RIMS2: variants seen among roughly 807,000 people sequenced by gnomAD.
RIMS2 encodes regulating synaptic membrane exocytosis 2.
A neutral mutation model predicts 174.4 loss-of-function variants in RIMS2; 59 were observed. The ratio of observed to expected loss-of-function variants is 0.34; its 90% CI spans 0.27 to 0.42. RIMS2 has a LOEUF of 0.42. RIMS2 is among the 10% of genes least tolerant of loss of function. The probability of loss-of-function intolerance (pLI) is 1.00; values close to 1 mark genes in which losing one functional copy is unlikely to be tolerated. For missense variants in RIMS2, 1,620 were observed against 1,666.3 expected, an observed-to-expected ratio of 0.97 and a Z score of 0.48; for synonymous variants, 606 against 572.5, an observed-to-expected ratio of 1.06 and a Z score of -0.84.
chr8:103,569,232 A>C (rs532171100), intron 1 of RIMS2, among the ~76,000 whole-genome samples: 1 of 152,206 alleles, frequency 6.6e-6, no homozygotes, highest in South Asian at 2.1e-4. Flanking sequence ...TAGGAGTCTA[A>C]CTTCATTCTC....
chr8:103,539,466 A>G (rs995821898), intron 1 of RIMS2, among the ~76,000 whole-genome samples: 10 of 152,250 alleles, frequency 6.6e-5, no homozygotes, highest in African/African-American at 2.4e-4. Context: ...AGCAGAAAAC[A>G]TGGAGAATAT....
intron 1 of RIMS2, chr8:103,568,805 T>G: frequency 8.8e-7 from 1 of 1,140,410 alleles, no homozygotes; most frequent in South Asian, 1.2e-5. Context: ...GTGCAATCAG[T>G]GCTATAAGAA....
chr8:103,983,266 A>G (rs1024442222), intron 16 of RIMS2, among the ~76,000 whole-genome samples: 1 of 152,198 alleles, frequency 6.6e-6, no homozygotes, highest in African/African-American at 2.4e-5. Flanking sequence ...AAAAATAGAA[A>G]GATGTTCCAT....
chr8:104,189,451 T>C (rs993638359), intron 19 of RIMS2, among the ~76,000 whole-genome samples: 1 of 151,810 alleles, frequency 6.6e-6, no homozygotes, highest in African/African-American at 2.4e-5. Context: ...ACTCTCTTAC[T>C]GTGTAACTGA....
rs139318027 is a variant in RIMS2 at position 104,190,655 on chromosome 8, G to A, written c.3335-54261G>A. Among the ~76,000 whole-genome samples the A allele has an allele frequency of 7.6e-4, 115 of 152,062 alleles. 1 individual carries two copies. The East Asian group carries it at 0.016, about 21-fold the overall frequency. ...GAAAAGTGAGTGAGGCTCTGGGTGC[G>A]CAATGACTGCATTGATGTAGAGTGG... On this transcript the variant is annotated intron_variant, in intron 19 of 23. Transcript: ENST00000504942.
At position 103,686,739 on chromosome 8, in the gene RIMS2, T is replaced by G. The variant is rs184115703; in HGVS notation, c.177-10347T>G. Among the ~76,000 whole-genome samples the G allele has an allele frequency of 2.0e-3, 306 of 152,244 alleles. 2 individuals are homozygous for G. The highest frequency in any genetic ancestry group is 7.0e-3 in the African/African-American group (291 of 41,560). Reference sequence around the variant, plus strand: ...CATCTGCTTATGAGAAATACTTTATTGGTCTATAATTTCTTCCAGTATCTT... The same window carrying G: ...CATCTGCTTATGAGAAATACTTTATGGGTCTATAATTTCTTCCAGTATCTT... On this transcript the variant is annotated intron_variant, in intron 1 of 23. Coordinates refer to ENST00000504942, the Ensembl canonical transcript of RIMS2.
chr8:103,694,426 T>G (rs2137183029), intron 1 of RIMS2, among the ~76,000 whole-genome samples: 1 of 152,114 alleles, frequency 6.6e-6, no homozygotes, highest in African/African-American at 2.4e-5. Flanking sequence ...TGACTAGGGC[T>G]TTAGGCACTT....
chr8:104,138,941 G>A (rs117065409), intron 19 of RIMS2, among the ~76,000 whole-genome samples: 2,473 of 152,240 alleles, frequency 0.016, 26 homozygotes, highest in South Asian at 0.059. Context: ...TTTGATTTTT[G>A]TATATGGCAA....
intron 19 of RIMS2, among the ~76,000 whole-genome samples, chr8:104,179,459 A>G (rs1042159839): frequency 6.6e-6 from 1 of 151,938 alleles, no homozygotes; most frequent in African/African-American, 2.4e-5. Flanking sequence ...ACCAGTCTTT[A>G]CTAATAATAA....
At chr8:103,768,648 A>G in intron 3 of RIMS2, 1 of 865,030 alleles carries the variant, frequency 1.2e-6, no homozygotes, top group South Asian at 1.3e-5. Flanking sequence ...ATATTCCAGG[A>G]TTGACTGATA....
chr8:103,839,721 C>A (rs1213583385), intron 3 of RIMS2, among the ~76,000 whole-genome samples: 1 of 152,158 alleles, frequency 6.6e-6, no homozygotes, highest in Non-Finnish European at 1.5e-5. Flanking sequence ...AACTTCTATT[C>A]CTATTTCTGG....
intron 19 of RIMS2, among the ~76,000 whole-genome samples, chr8:104,137,668 T>C (rs1054198517): frequency 7.2e-5 from 11 of 152,198 alleles, no homozygotes; most frequent in African/African-American, 2.7e-4. Context: ...CCTCACTGAA[T>C]AGATTGCCTT....
Position 104,244,094 on chromosome 8 carries a change from A to G in RIMS2, c.3335-822A>G, listed in dbSNP as rs1169123306. Among the ~76,000 whole-genome samples the G allele has an allele frequency of 3.3e-5, 5 of 152,118 alleles. No homozygotes were observed. The East Asian group carries it at 9.6e-4, about 29-fold the overall frequency. ...GCTCAAATCCCACAGCCTCTATGACATACTTCTTCCCTGACCTCTCCAGAT... is the reference window on the plus strand; with the variant it reads ...GCTCAAATCCCACAGCCTCTATGACGTACTTCTTCCCTGACCTCTCCAGAT... On this transcript the variant is annotated intron_variant, in intron 19 of 23. Transcript: ENST00000504942.
chr8:103,991,635 A>C (rs182061140), intron 17 of RIMS2, among the ~76,000 whole-genome samples: 8 of 152,258 alleles, frequency 5.3e-5, no homozygotes, highest in Admixed American at 5.2e-4. Flanking sequence ...CCTTTGAGAT[A>C]ATAATAGTAA....
intron 10 of RIMS2, among the ~76,000 whole-genome samples, chr8:103,925,070 T>C (rs939777588): frequency 6.6e-6 from 1 of 151,614 alleles, no homozygotes; most frequent in Non-Finnish European, 1.5e-5. Context: ...TTCTTAATAG[T>C]TTTAATTAGT....
chr8:103,960,645 G>A (rs1413849158), intron 14 of RIMS2, among the ~76,000 whole-genome samples: 4 of 152,066 alleles, frequency 2.6e-5, no homozygotes, highest in African/African-American at 9.7e-5. Context: ...ACACATTCAT[G>A]CATTTGAATA....
chr8:103,773,807 C>T (rs2098279903), intron 3 of RIMS2, among the ~76,000 whole-genome samples: 1 of 152,096 alleles, frequency 6.6e-6, no homozygotes, highest in Non-Finnish European at 1.5e-5. Context: ...AACAAAAATC[C>T]TGACAACACT....
rs1168700727 is a variant in RIMS2, at chr8:103,825,744, AC to A, written c.698+59208del. ...TATTTTTATTTCTTTTAGGTAAATAACTAAAAGAGAAATTTGTGGATCATAG... is the reference window on the plus strand; with the variant it reads ...TATTTTTATTTCTTTTAGGTAAATAATAAAAGAGAAATTTGTGGATCATAG... On this transcript the variant is annotated intron_variant, in intron 3 of 23. Coordinates refer to ENST00000504942, the Ensembl canonical transcript of RIMS2. 2.6e-5 allele frequency among the ~76,000 whole-genome samples: 4 copies of A among 152,244 alleles called. No homozygotes were observed. The East Asian group carries it at 7.7e-4, about 29-fold the overall frequency.
At chr8:103,875,242 G>T (rs2099130508) in intron 3 of RIMS2, among the ~76,000 whole-genome samples, 1 of 151,742 alleles carries the variant, frequency 6.6e-6, no homozygotes, top group African/African-American at 2.4e-5. Context: ...TACCCAATAG[G>T]TGATTTTTTT....
Sources: allele counts gnomAD v4.1 joint callset (sites outside exome capture counted in the v4.1 genomes callset), GRCh38; gene constraint gnomAD v4.1.1; transcripts MANE v1.5; gene names NCBI Gene and HGNC (gene_info 2026-07-23, HGNC 2026-07-21).